The following IFT74 variants were observed in gnomAD, a reference collection of about 807,000 sequenced individuals.
The protein encoded by IFT74 is intraflagellar transport protein 74 homolog.
A neutral mutation model predicts 96.7 loss-of-function variants in IFT74; 92 were observed. The ratio of observed to expected loss-of-function variants is 0.95; its 90% CI spans 0.80 to 1.13. The LOEUF (loss-of-function observed/expected upper bound fraction) is 1.13. IFT74 is among the 50% of genes most tolerant of loss of function. The pLI, the probability that IFT74 is intolerant of heterozygous loss-of-function variation, is 0.00. For synonymous variants in IFT74, 223 were observed against 213.2 expected (o/e 1.05, Z -0.40); for missense variants, 811 against 698.2 (o/e 1.16, Z -1.82).
chr9:27,033,573 CAAA>C (rs558712485), intron 13 of IFT74, among the ~76,000 whole-genome samples: 11 of 66,266 alleles, frequency 1.7e-4, no homozygotes, highest in Admixed American at 1.8e-4. Flanking sequence ...GACCCTGTCT[CAAA>C]AAAAAAAAAA....
chr9:27,036,688 A>G (rs1206222079), intron 13 of IFT74: 1 of 1,318,052 alleles, frequency 7.6e-7, no homozygotes, highest in Non-Finnish European at 9.6e-7. Context: ...TCTGTGAAAA[A>G]AAAAAGACTC....
At chr9:26,976,689 C>A in intron 2 of IFT74, 2 of 447,846 alleles carry the variant, frequency 4.5e-6, no homozygotes, top group South Asian at 1.6e-5. Flanking sequence ...AGAAGAAAGG[C>A]AGGGGGTACC....
intron 18 of IFT74, among the ~76,000 whole-genome samples, chr9:27,058,917 G>T (rs1820293232): frequency 2.6e-5 from 4 of 152,196 alleles, no homozygotes; most frequent in Admixed American, 2.6e-4. Context: ...TTCTTAGGTT[G>T]TTTAGAGTGA....
At chr9:27,048,849 C>G (rs1819804136) in intron 16 of IFT74, among the ~76,000 whole-genome samples, 1 of 152,092 alleles carries the variant, frequency 6.6e-6, no homozygotes, top group Admixed American at 6.6e-5. Context: ...GGAAAATACT[C>G]CTGAGTTGTG....
At chr9:27,033,273 C>A (rs1258016783) in intron 13 of IFT74, among the ~76,000 whole-genome samples, 2 of 151,954 alleles carry the variant, frequency 1.3e-5, no homozygotes, top group Non-Finnish European at 2.9e-5. Context: ...AGAATGGTGC[C>A]TGGTACAGGT....
intron 2 of IFT74, chr9:26,976,485 C>A: frequency 7.1e-6 from 2 of 283,574 alleles, no homozygotes; most frequent in Non-Finnish European, 1.4e-5. Flanking sequence ...ACTGCACAAT[C>A]TAAACTAGAC....
chr9:26,948,448 A>ATTTTTTTTTTTTTTTTTT lies in IFT74; in HGVS notation c.-20+1325_-20+1342dup, dbSNP rs71841244. On this transcript the variant is annotated intron_variant, in intron 1 of 19. Coordinates refer to the IFT74 transcript ENST00000433700. ...TGACAACCTGTGATGGCTTTCCATT[A>ATTTTTTTTTTTTTTTTTT]TTTTTTTTTTTTTTTTTTTTTTTTT... Among the ~76,000 whole-genome samples, 17 of 59,160 alleles carry ATTTTTTTTTTTTTTTTTT rather than the reference A, an allele frequency of 2.9e-4. 4 individuals carry two copies. The highest frequency in any genetic ancestry group is 5.9e-4 in the Admixed American group (3 of 5,112). 38.8% of individuals were successfully genotyped at this position (59,160 alleles called of 152,430 possible).
At chr9:26,959,524 A>G (rs1246278615) in intron 1 of IFT74, among the ~76,000 whole-genome samples, 1 of 152,212 alleles carries the variant, frequency 6.6e-6, no homozygotes, top group Non-Finnish European at 1.5e-5. Context: ...AGAATTGAAC[A>G]TGGTAACAGA....
At chr9:27,033,560 T>C (rs752766465) in intron 13 of IFT74, among the ~76,000 whole-genome samples, 49 of 126,004 alleles carry the variant, frequency 3.9e-4, no homozygotes, top group South Asian at 1.0e-3. Context: ...GATAACAAAG[T>C]GAGACCCTGT....
Position 26,984,339 on chromosome 9 carries a change from T to C in IFT74, c.388T>C (p.Leu130=). Residue 130 remains leucine, a synonymous_variant, in exon 5 of 20, where the codon TTG becomes CTG. Coordinates refer to ENST00000380062, the MANE Select transcript of IFT74 (RefSeq NM_025103.4). ...EMYNQENSVY[L]SYEKRAETLA... is the part of the protein sequence containing the mutation. The stretch of plus-strand genomic sequence containing the variant: ...GTACAATCAAGAGAATTCAGTATAT[T>C]TGTCATATGAAAAGAGGTGAGTAAT... 1 of 1,584,490 alleles carries C rather than the reference T, an allele frequency of 6.3e-7. No individual in the cohort carries two copies. The highest frequency in any genetic ancestry group is 8.6e-7 in the Non-Finnish European group (1 of 1,164,156).
At chr9:27,003,886 G>A (rs750953693) in intron 8 of IFT74, among the ~76,000 whole-genome samples, 3 of 152,172 alleles carry the variant, frequency 2.0e-5, no homozygotes, top group Non-Finnish European at 4.4e-5. Flanking sequence ...GTTTACCTAT[G>A]TTTAATGATT....
intron 8 of IFT74, chr9:26,997,804 T>C: frequency 6.2e-7 from 1 of 1,614,110 alleles, no homozygotes; most frequent in Non-Finnish European, 8.5e-7. Flanking sequence ...GGTTTCCATA[T>C]AAAGTTATTA....
chr9:27,018,549 C>A, intron 11 of IFT74, 98 bp from the exon 12 acceptor site: 1 of 543,478 alleles, frequency 1.8e-6, no homozygotes, highest in South Asian at 3.8e-5. Flanking sequence ...GTAGATTTGA[C>A]ACTTTAGTAC....
chr9:27,057,806 T>C (rs1022112035), intron 18 of IFT74, among the ~76,000 whole-genome samples: 1 of 151,832 alleles, frequency 6.6e-6, no homozygotes. Context: ...TGCAGTAAGC[T>C]GAGATCGCGC....
intron 13 of IFT74, among the ~76,000 whole-genome samples, chr9:27,037,444 C>T (rs553661986): frequency 6.6e-4 from 101 of 152,270 alleles, no homozygotes; most frequent in African/African-American, 2.4e-3. Flanking sequence ...GCCACACGAA[C>T]TTAAAGATCA....
chr9:26,996,309 A>G lies in IFT74; in HGVS notation c.587+6114A>G. The stretch of plus-strand genomic sequence containing the variant: ...TGTTAATATATAGAACCAGTATATT[A>G]CCTGAATTTCTTGTTAAGTTGTTCG... On this transcript the variant is annotated intron_variant, in intron 8 of 19. Transcript: ENST00000380062. 7 of 1,560,686 alleles carry G rather than the reference A, an allele frequency of 4.5e-6. No individual in the cohort carries two copies. The Admixed American group carries it at 6.9e-5, about 15-fold the overall frequency.
At chr9:26,960,701 G>A (rs1314270167) in intron 1 of IFT74, among the ~76,000 whole-genome samples, 5 of 152,168 alleles carry the variant, frequency 3.3e-5, no homozygotes, top group Non-Finnish European at 5.9e-5. Context: ...AAAGGCAGGT[G>A]TAGCAGAATG....
At chr9:26,995,631 AGTTT>A in intron 8 of IFT74, 1 of 1,613,474 alleles carries the variant, frequency 6.2e-7, no homozygotes, top group African/African-American at 1.3e-5. Context: ...GTTTCTTCAG[AGTTT>A]GTTTCTGGTA....
upstream of IFT74, among the ~76,000 whole-genome samples, chr9:26,954,696 G>A (rs567014988): frequency 1.3e-5 from 2 of 151,324 alleles, no homozygotes; most frequent in South Asian, 4.2e-4. Context: ...GAAAAGCAGA[G>A]GGACAAAGAT....
Sources: allele counts gnomAD v4.1 joint callset (sites outside exome capture counted in the v4.1 genomes callset), GRCh38; gene constraint gnomAD v4.1.1; transcripts MANE v1.5; gene names NCBI Gene and HGNC (gene_info 2026-07-23, HGNC 2026-07-21).